The following WIF1 variants were observed in gnomAD, a reference collection of about 807,000 sequenced individuals.
WIF1 encodes the protein Wnt inhibitory factor 1.
Under a neutral mutation model 53.5 loss-of-function variants are expected in WIF1, and 35 were observed. The ratio of observed to expected loss-of-function variants is 0.65; its 90% CI spans 0.50 to 0.87. The LOEUF is 0.87. Ranked by LOEUF, WIF1 falls within the 40% of genes least tolerant of loss-of-function variation. The pLI is 0.00. For missense variants in WIF1, 467 were observed against 476.8 expected, an observed-to-expected ratio of 0.98 and a Z score of 0.19; for synonymous variants, 171 against 170.4, an observed-to-expected ratio of 1.00 and a Z score of -0.03.
intron 2 of WIF1, among the ~76,000 whole-genome samples, chr12:65,092,324 A>G (rs1050534382): frequency 6.6e-6 from 1 of 151,862 alleles, no homozygotes; most frequent in East Asian, 1.9e-4. Context: ...TTAGAGAAAC[A>G]TAATGTAGAT....
intron 2 of WIF1, chr12:65,083,820 T>C: frequency 3.2e-6 from 1 of 312,384 alleles, no homozygotes; most frequent in South Asian, 2.2e-5. Flanking sequence ...TCCTTTCCTC[T>C]CCTCTTTTCT....
At chr12:65,058,303 T>C (rs969107625) in intron 7 of WIF1, among the ~76,000 whole-genome samples, 1 of 152,184 alleles carries the variant, frequency 6.6e-6, no homozygotes, top group African/African-American at 2.4e-5. Flanking sequence ...ATGATAATTA[T>C]ATGGCAGAAA....
intron 4 of WIF1, 115 bp downstream of exon 4, chr12:65,068,649 A>ATGTGTGTGTGTGTGTG (rs10590995): frequency 6.0e-6 from 6 of 1,005,210 alleles, no homozygotes; most frequent in East Asian, 5.4e-5. Flanking sequence ...CCAAAAAACC[A>ATGTGTGTGTGTGTGTG]TGTGTGTGTG....
chr12:65,054,633 A>G (rs1186018969), intron 9 of WIF1, among the ~76,000 whole-genome samples: 2 of 152,172 alleles, frequency 1.3e-5, no homozygotes, highest in African/African-American at 4.8e-5. Context: ...ACTTACTATT[A>G]CCAGTACAGT....
At chr12:65,091,045 T>C (rs1883114500) in intron 2 of WIF1, among the ~76,000 whole-genome samples, 2 of 152,246 alleles carry the variant, frequency 1.3e-5, no homozygotes, top group African/African-American at 2.4e-5. Context: ...CTTCCTTTTC[T>C]AGTTCAAGTT....
intron 2 of WIF1, among the ~76,000 whole-genome samples, chr12:65,108,074 C>T (rs960707086): frequency 1.3e-5 from 2 of 152,184 alleles, no homozygotes; most frequent in Admixed American, 6.5e-5. Context: ...CTCCCCCAGC[C>T]GAGTTAATGC....
chr12:65,077,274 G>A (rs902736826), intron 3 of WIF1, among the ~76,000 whole-genome samples: 2 of 152,128 alleles, frequency 1.3e-5, no homozygotes, highest in Admixed American at 6.5e-5. Flanking sequence ...GACTAGAAAC[G>A]TTGAACCCCT....
chr12:65,120,512 G>A lies in WIF1; in HGVS notation c.193C>T (p.Pro65Ser). The A allele has an allele frequency of 6.2e-7, 1 of 1,614,012 alleles. No individual in the cohort carries two copies. Among genetic ancestry groups the A allele is most frequent in the Non-Finnish European group, 8.5e-7 (1 of 1,179,974 alleles). ...GCTTTTCTGAAATCATGTGTAAAAG[G>A]TGCCATTTTCCCCTCTGAAACAATC... ...ILIVSEGKMA[P>S]FTHDFRKAQQ... The change falls in exon 2 of 10, where the codon CCT becomes TCT. Residue 65 changes from proline to serine, a missense_variant. Coordinates refer to ENST00000286574, the MANE Select transcript of WIF1 (RefSeq NM_007191.5).
rs531992803 is a variant in WIF1 at position 65,056,414 on chromosome 12, C to T, written c.827-288G>A. ...TTTTTTTTTTTTTTTTAAGTAAAGA[C>T]GGGTTTCATTCTGTTGGCCAGGCTA... On this transcript the variant is annotated intron_variant, in intron 7 of 9. Coordinates refer to ENST00000286574, the MANE Select transcript of WIF1 (RefSeq NM_007191.5). 3.5e-3 allele frequency among the ~76,000 whole-genome samples: 200 copies of T among 56,350 alleles called. 1 individual carries two copies. Among genetic ancestry groups the T allele is most frequent in the African/African-American group, 4.3e-3 (62 of 14,438 alleles). 37.0% of individuals were successfully genotyped at this position (56,350 alleles called of 152,430 possible).
At chr12:65,090,529 G>T (rs568038659) in intron 2 of WIF1, among the ~76,000 whole-genome samples, 1 of 152,242 alleles carries the variant, frequency 6.6e-6, no homozygotes, top group South Asian at 2.1e-4. Context: ...AAGTACATGG[G>T]GTTCTTTGAG....
intron 6 of WIF1, among the ~76,000 whole-genome samples, chr12:65,063,984 A>ATAGGATT (rs1565749624): frequency 6.6e-6 from 1 of 152,166 alleles, no homozygotes; most frequent in African/African-American, 2.4e-5. Flanking sequence ...GCATTTTGGT[A>ATAGGATT]TAGGATTTAG....
intron 3 of WIF1, among the ~76,000 whole-genome samples, chr12:65,075,874 C>T (rs1882853240): frequency 6.6e-6 from 1 of 151,958 alleles, no homozygotes; most frequent in Admixed American, 6.6e-5. Context: ...ATACAACAAG[C>T]TTTGCAGATC....
At chr12:65,090,897 A>G (rs1883112238) in intron 2 of WIF1, among the ~76,000 whole-genome samples, 1 of 152,132 alleles carries the variant, frequency 6.6e-6, no homozygotes, top group South Asian at 2.1e-4. Flanking sequence ...CAGTACCCAT[A>G]GAAAAAAGCA....
Position 65,113,247 on chromosome 12 carries a change from G to A in WIF1, c.288+7170C>T, listed in dbSNP as rs537643408. On this transcript the variant is annotated intron_variant, in intron 2 of 9. Coordinates refer to ENST00000286574, the MANE Select transcript of WIF1 (RefSeq NM_007191.5). ...CTGATAAGGCCTCTTCCAGAGGTCC[G>A]GCAACAGGATAAGGGACATTTTTGC... Among the ~76,000 whole-genome samples, 316 of 152,230 alleles carry A rather than the reference G, an allele frequency of 2.1e-3. 5 individuals carry two copies. The South Asian group carries it at 0.025, about 12-fold the overall frequency.
chr12:65,094,265 A>G (rs1419801998), intron 2 of WIF1, among the ~76,000 whole-genome samples: 1 of 152,216 alleles, frequency 6.6e-6, no homozygotes, highest in Non-Finnish European at 1.5e-5. Context: ...TTAATCAAAG[A>G]CAGTAACTTT....
At chr12:65,110,559 G>A (rs1349632878) in intron 2 of WIF1, among the ~76,000 whole-genome samples, 1 of 152,182 alleles carries the variant, frequency 6.6e-6, no homozygotes, top group Non-Finnish European at 1.5e-5. Context: ...AGCAAGGGCT[G>A]GATCCTAGCT....
chr12:65,071,586 T>C (rs538109269), intron 3 of WIF1, among the ~76,000 whole-genome samples: 8 of 152,332 alleles, frequency 5.3e-5, no homozygotes, highest in African/African-American at 1.9e-4. Flanking sequence ...AAAGACCTAA[T>C]ATACTCTAGG....
At chr12:65,057,893 T>A (rs1247848251) in intron 7 of WIF1, among the ~76,000 whole-genome samples, 1 of 152,172 alleles carries the variant, frequency 6.6e-6, no homozygotes, top group Non-Finnish European at 1.5e-5. Flanking sequence ...AGGACTTTAT[T>A]CATATATAAG....
intron 2 of WIF1, among the ~76,000 whole-genome samples, chr12:65,119,040 T>C (rs10083020): frequency 0.054 from 8,263 of 152,242 alleles, 751 homozygotes; most frequent in African/African-American, 0.19. Flanking sequence ...TTTTCAAAAA[T>C]ATAGAATTAA....
Sources: gnomAD v4.1 joint callset for allele counts (sites outside exome capture counted in the v4.1 genomes callset) on GRCh38, gnomAD v4.1.1 for gene constraint, MANE v1.5 for transcripts, NCBI Gene and HGNC (gene_info 2026-07-23, HGNC 2026-07-21) for gene names.